Variants in STOX2 observed in about 807,000 individuals in gnomAD.
The protein encoded by STOX2 is storkhead box 2, also known as storkhead-box protein 2.
A neutral mutation model predicts 60.9 loss-of-function variants in STOX2; 28 were observed. The observed-to-expected ratio is 0.46, with a 90% confidence interval of 0.34 to 0.63. STOX2 has a LOEUF of 0.63. STOX2 is among the 30% of genes least tolerant of loss of function. The probability of loss-of-function intolerance (pLI) is 0.01; values close to 1 mark genes in which losing one functional copy is unlikely to be tolerated. For missense variants in STOX2, 1,024 were observed against 1,187.7 expected, an observed-to-expected ratio of 0.86 and a Z score of 2.03; for synonymous variants, 472 against 463.9, an observed-to-expected ratio of 1.02 and a Z score of -0.22.
At chr4:183,852,428 A>G (rs71638105) in intron 1 of STOX2, among the ~76,000 whole-genome samples, 536 of 23,506 alleles carry the variant, frequency 0.023, 2 homozygotes, top group East Asian at 0.031. Flanking sequence ...AAAGGATGAG[A>G]GAAAGGATGA....
At chr4:184,003,959 T>G (rs932038253) in intron 2 of STOX2, among the ~76,000 whole-genome samples, 9 of 146,428 alleles carry the variant, frequency 6.1e-5, no homozygotes, top group African/African-American at 2.0e-4. Context: ...TTTTTTTTTT[T>G]GTCTGTCTTT....
chr4:183,998,617 C>T (rs980968570), intron 1 of STOX2, among the ~76,000 whole-genome samples: 1 of 152,206 alleles, frequency 6.6e-6, no homozygotes, highest in Non-Finnish European at 1.5e-5. Context: ...TCTCAGCTCA[C>T]CGTAGCCTTG....
chr4:183,989,189 TTTTTGTTTG>T (rs1732988825), intron 1 of STOX2, among the ~76,000 whole-genome samples: 3 of 42,396 alleles, frequency 7.1e-5, no homozygotes, highest in South Asian at 5.6e-4. Context: ...TTTTTTTTTT[TTTTTGTTTG>T]TTTGGTTTGG....
chr4:183,922,802 C>T (rs1001210511), intron 1 of STOX2, among the ~76,000 whole-genome samples: 11 of 152,160 alleles, frequency 7.2e-5, no homozygotes, highest in Non-Finnish European at 2.9e-5. Context: ...GTCCTCCCTA[C>T]CCTCATCCCC....
chr4:183,868,600 G>C (rs1306429744), intron 1 of STOX2, among the ~76,000 whole-genome samples: 2 of 152,174 alleles, frequency 1.3e-5, no homozygotes, highest in African/African-American at 4.8e-5. Flanking sequence ...GGGGAAACCA[G>C]GAACAGCTGA....
At chr4:183,965,687 C>T (rs1326175972) in intron 1 of STOX2, among the ~76,000 whole-genome samples, 3 of 152,008 alleles carry the variant, frequency 2.0e-5, no homozygotes, top group Admixed American at 2.0e-4. Context: ...ACGGGAAGCT[C>T]ATTCGGGCAC....
intron 1 of STOX2, among the ~76,000 whole-genome samples, chr4:183,881,574 T>A (rs1447999083): frequency 1.3e-5 from 2 of 152,206 alleles, no homozygotes; most frequent in Non-Finnish European, 2.9e-5. Flanking sequence ...ATATATTTGT[T>A]AAATAACTAA....
At chr4:183,800,397 C>T (rs1239979966) in intron 1 of STOX2, among the ~76,000 whole-genome samples, 2 of 152,166 alleles carry the variant, frequency 1.3e-5, no homozygotes, top group Admixed American at 6.5e-5. Flanking sequence ...AGCCTAGAAT[C>T]GATCTACTGC....
intron 1 of STOX2, among the ~76,000 whole-genome samples, chr4:183,934,230 G>A (rs1271551207): frequency 6.6e-6 from 1 of 152,136 alleles, no homozygotes; most frequent in African/African-American, 2.4e-5. Flanking sequence ...TTGAACCCAG[G>A]AGGCGGAGGT....
chr4:183,862,687 C>A (rs1230178259), intron 1 of STOX2, among the ~76,000 whole-genome samples: 1 of 152,164 alleles, frequency 6.6e-6, no homozygotes, highest in African/African-American at 2.4e-5. Flanking sequence ...GGGTTTACAC[C>A]CTGAGGGCTC....
At chr4:183,992,473 G>A (rs1471789365) in intron 1 of STOX2, among the ~76,000 whole-genome samples, 1 of 152,232 alleles carries the variant, frequency 6.6e-6, no homozygotes, top group African/African-American at 2.4e-5. Flanking sequence ...TCTAGTGTTA[G>A]GCCAGGTTAT....
chr4:183,968,468 T>C (rs528259677), intron 1 of STOX2, among the ~76,000 whole-genome samples: 74 of 152,308 alleles, frequency 4.9e-4, no homozygotes, highest in Middle Eastern at 6.8e-3. Flanking sequence ...TTTCTTCTTT[T>C]CATTGTGGAC....
chr4:183,972,114 C>T (rs1368230214), intron 1 of STOX2, among the ~76,000 whole-genome samples: 2 of 152,182 alleles, frequency 1.3e-5, no homozygotes, highest in Non-Finnish European at 2.9e-5. Flanking sequence ...AACCCATAGC[C>T]AGTCCTGCAC....
intron 1 of STOX2, among the ~76,000 whole-genome samples, chr4:183,873,245 C>T (rs1035479259): frequency 7.9e-5 from 12 of 151,972 alleles, no homozygotes; most frequent in Non-Finnish European, 1.3e-4. Flanking sequence ...GTCGGGAGTT[C>T]GAGACCAGCC....
At chr4:183,934,070 G>T (rs1020173258) in intron 1 of STOX2, among the ~76,000 whole-genome samples, 1 of 152,116 alleles carries the variant, frequency 6.6e-6, no homozygotes, top group African/African-American at 2.4e-5. Context: ...TTGGGAGGCC[G>T]AGACGGGTGG....
At chr4:183,861,594 G>T (rs1268717496) in intron 1 of STOX2, among the ~76,000 whole-genome samples, 3 of 152,138 alleles carry the variant, frequency 2.0e-5, no homozygotes, top group Non-Finnish European at 4.4e-5. Context: ...TTGCATCTTA[G>T]CTGTGTGACC....
chr4:183,819,300 C>T (rs959484591), intron 1 of STOX2, among the ~76,000 whole-genome samples: 14 of 151,966 alleles, frequency 9.2e-5, no homozygotes, highest in South Asian at 2.1e-4. Flanking sequence ...CCCGGCACCT[C>T]GGGAGGCCGA....
At chr4:183,995,309 T>C (rs1733287537) in intron 1 of STOX2, among the ~76,000 whole-genome samples, 1 of 128,528 alleles carries the variant, frequency 7.8e-6, no homozygotes, top group Admixed American at 7.7e-5. Context: ...TTTTTTTTTT[T>C]TTTTTTTTTT....
At chr4:183,847,875 G>A (rs1332604993) in intron 1 of STOX2, among the ~76,000 whole-genome samples, 6 of 152,184 alleles carry the variant, frequency 3.9e-5, no homozygotes, top group Non-Finnish European at 8.8e-5. Flanking sequence ...TTGTGCACAT[G>A]TGCCTTACAA....
Sources: allele counts gnomAD v4.1 joint callset (sites outside exome capture counted in the v4.1 genomes callset), GRCh38; gene constraint gnomAD v4.1.1; transcripts MANE v1.5; gene names NCBI Gene and HGNC (gene_info 2026-07-23, HGNC 2026-07-21).